BSG: variants seen among roughly 807,000 people sequenced by gnomAD.
BSG encodes the protein basigin (Ok blood group).
Under a neutral mutation model 43.1 loss-of-function variants are expected in BSG, and 37 were observed. That is an observed-to-expected ratio of 0.86 (90% CI 0.66 to 1.13). The LOEUF (loss-of-function observed/expected upper bound fraction) is 1.13, where lower values mean the gene tolerates loss of function less well. Among genes scored for constraint, BSG ranks in the 50% most tolerant of loss-of-function variants. The pLI is 0.00. For synonymous variants in BSG, 309 were observed against 238.7 expected, an observed-to-expected ratio of 1.29 and a Z score of -2.72; for missense variants, 599 against 554.2, an observed-to-expected ratio of 1.08 and a Z score of -0.81.
chr19:577,897 A>G lies in BSG; in HGVS notation c.191A>G (p.Asn64Ser), dbSNP rs1981917111. ...IQWWFEGQGPNDTCSQLWDGA... is the reference protein window; with the variant it reads ...IQWWFEGQGPSDTCSQLWDGA... ...TGGTGGTTTGAAGGGCAGGGTCCCA[A>G]CGACACCTGCTCCCAGCTCTGGGAC... Residue 64 changes from asparagine (N) to serine (S), a missense_variant, in exon 2 of 9, where the codon AAC becomes AGC. Physicochemically the swap from Asn to Ser is conservative, Grantham distance 46 (BLOSUM62 1). Coordinates refer to ENST00000333511, the MANE Select transcript of BSG (RefSeq NM_001728.4). 1.9e-6 allele frequency: 3 copies of G among 1,594,938 alleles called. No individual in the cohort carries two copies. Among genetic ancestry groups the G allele is most frequent in the East Asian group, 2.3e-5 (1 of 44,288 alleles).
intron 7 of BSG, 25 bp from the exon 8 acceptor site, chr19:582,487 CCT>C (rs769826457): frequency 6.2e-7 from 1 of 1,605,542 alleles, no homozygotes; most frequent in African/African-American, 1.3e-5. Flanking sequence ...CGGGGGACAC[CCT>C]CTCACCCGGC....
chr19:580,801 T>C lies in BSG; in HGVS notation c.792+19T>C. 1 of 1,586,850 alleles carries C rather than the reference T, an allele frequency of 6.3e-7. No homozygotes were observed. Among genetic ancestry groups the C allele is most frequent in the Admixed American group, 1.8e-5 (1 of 56,942 alleles). On this transcript the variant is annotated intron_variant, in intron 5 of 8. Coordinates refer to ENST00000333511, the MANE Select transcript of BSG (RefSeq NM_001728.4). ...GGACAAGGTGAGAAGCCAAGGAGGC[T>C]GGGGGTCCTGGACCCAGCCCTCAGG...
intron 1 of BSG, among the ~76,000 whole-genome samples, chr19:577,061 C>A (rs185382187): frequency 1.4e-4 from 21 of 152,284 alleles, no homozygotes; most frequent in Non-Finnish European, 2.6e-4. Flanking sequence ...GCACTCCCCA[C>A]GCTTCCCCTT....
At chr19:572,576 CGG>C (rs1981343104), upstream of BSG, 2 of 1,428,908 alleles carry the variant, frequency 1.4e-6, no homozygotes, top group Non-Finnish European at 1.9e-6. Flanking sequence ...CTTTTTATAG[CGG>C]CCGCGGGCGG....
upstream of BSG, chr19:572,271 A>G (rs966487527): frequency 2.3e-5 from 12 of 518,384 alleles, no homozygotes; most frequent in African/African-American, 2.5e-4. Flanking sequence ...TGGGTAACAC[A>G]CTTTCAACGC....
chr19:573,908 C>T (rs1329237202), intron 1 of BSG, among the ~76,000 whole-genome samples: 2 of 152,176 alleles, frequency 1.3e-5, no homozygotes, highest in Non-Finnish European at 2.9e-5. Flanking sequence ...TCCTTTCTTG[C>T]TTCATAGAAA....
Position 577,937 on chromosome 19 carries a change from C to A in BSG, c.231C>A (p.Asp77Glu), listed in dbSNP as rs1287722697. Reference protein sequence around the residue: ...CSQLWDGARLDRVHIHATYHQ... With the variant: ...CSQLWDGARLERVHIHATYHQ... ...AGCTCTGGGACGGCGCCCGGCTGGA[C>A]CGCGTCCACATCCACGCCACCTACC... The change falls in exon 2 of 9, where the codon GAC (aspartate) becomes GAA (glutamate). Residue 77 changes from aspartate (D) to glutamate (E), a missense_variant. Coordinates refer to ENST00000333511, the MANE Select transcript of BSG (RefSeq NM_001728.4). 6.2e-7 allele frequency: 1 copy of A among 1,608,100 alleles called. No homozygotes were observed. Among genetic ancestry groups the A allele is most frequent in the Non-Finnish European group, 8.5e-7 (1 of 1,177,022 alleles).
Position 579,497 on chromosome 19 carries a change from C to G in BSG, c.416-3C>G. ...GCTGACCGCGTCTCGCCGGGCCTTG[C>G]AGCCGGCACAGTCTTCACTACCGTA... On this transcript the variant is annotated splice_region_variant and splice_polypyrimidine_tract_variant and intron_variant, in intron 2 of 8. Coordinates refer to ENST00000333511, the MANE Select transcript of BSG (RefSeq NM_001728.4). 2 of 1,612,494 alleles carry G rather than the reference C, an allele frequency of 1.2e-6. No homozygotes were observed. The highest frequency in any genetic ancestry group is 1.7e-6 in the Non-Finnish European group (2 of 1,179,896).
At chr19:572,431 C>A, upstream of BSG, 1 of 1,139,122 alleles carries the variant, frequency 8.8e-7, no homozygotes, top group Non-Finnish European at 1.1e-6. Flanking sequence ...GATTCCGTAG[C>A]GTGAGCCTGC....
chr19:576,760 A>AG (rs1981808771), intron 1 of BSG, among the ~76,000 whole-genome samples: 3 of 146,222 alleles, frequency 2.1e-5, no homozygotes, highest in African/African-American at 5.1e-5. Context: ...AAAAAAAAAA[A>AG]AAGAAGAAGA....
At chr19:571,682 G>A, upstream of BSG, 1 of 742,640 alleles carries the variant, frequency 1.3e-6, no homozygotes, top group Non-Finnish European at 2.5e-6. Flanking sequence ...AAATTTCTCA[G>A]CGAGACCACT....
rs755563121 is a variant in BSG, at chr19:579,673, G to T, written c.572+17G>T. On this transcript the variant is annotated intron_variant, in intron 3 of 8. Transcript: ENST00000333511. ...GGAGTTCAAGTGAGTGCCTGACCAC[G>T]CCATGCCGCCACCTGCCCCTTCTCA... 6.3e-6 allele frequency: 10 copies of T among 1,589,404 alleles called. No homozygotes were observed. Among genetic ancestry groups the T allele is most frequent in the South Asian group, 4.5e-5 (4 of 88,080 alleles).
In BSG at chr19:579,780, C is replaced by G; in HGVS notation, c.572+124C>G. 5.0e-6 allele frequency: 7 copies of G among 1,405,184 alleles called. No homozygotes were observed. In the South Asian group the frequency reaches 8.7e-5, roughly 18 times the overall value. The allele number at this position is 1,405,184 out of a possible 1,614,324, so 87.0% of individuals were successfully genotyped here. A position where few individuals can be genotyped will look rare whatever the true frequency, so the allele number is the denominator to read the frequency against. The stretch of plus-strand genomic sequence containing the variant: ...GCTTGATCCAGGCGGAAGTTAGGGA[C>G]CAGCTCCGCGCAGACCCCCAGAGGG... On this transcript the variant is annotated intron_variant, in intron 3 of 8. Coordinates refer to ENST00000333511, the MANE Select transcript of BSG (RefSeq NM_001728.4).
At chr19:581,770 C>G (rs527804308) in intron 6 of BSG, among the ~76,000 whole-genome samples, 179 bp downstream of exon 6, 4 of 152,248 alleles carry the variant, frequency 2.6e-5, no homozygotes, top group Admixed American at 1.3e-4. Context: ...CGGGCAGCTG[C>G]GGCTCAGTGG....
chr19:578,349 A>T, intron 2 of BSG: 1 of 445,596 alleles, frequency 2.2e-6, no homozygotes, highest in East Asian at 3.5e-5. Flanking sequence ...TCTGCCCTCC[A>T]GCAGGTGGGT....
At chr19:575,036 T>G (rs1393935807) in intron 1 of BSG, 2 of 152,280 alleles carry the variant, frequency 1.3e-5, no homozygotes, top group Non-Finnish European at 2.9e-5. Context: ...GTTCACAGTT[T>G]TGTTCCTTTT....
chr19:582,698 C>T (rs1184554352), intron 8 of BSG, 52 bp from the exon 9 acceptor site: 1 of 1,136,964 alleles, frequency 8.8e-7, no homozygotes, highest in African/African-American at 1.5e-5. Flanking sequence ...TGGGTCCCGC[C>T]TGTGGGTCGC....
chr19:581,550 TCATCTA>T lies in BSG; in HGVS notation c.1030_1035del (p.Ile344_Tyr345del). On this transcript the variant is annotated inframe_deletion, in exon 6 of 9. Transcript: ENST00000333511. ...GTGCTGGTGCTGGTCACCATCATCT[TCATCTA>T]CGAGAAGCGCCGGAAGCCCGAGGAC... 1 of 1,599,792 alleles carries T rather than the reference TCATCTA, an allele frequency of 6.3e-7. No individual in the cohort carries two copies. The highest frequency in any genetic ancestry group is 8.5e-7 in the Non-Finnish European group (1 of 1,174,448).
rs529813357 is a variant in BSG, at chr19:583,490, C to T, written c.*746C>T. 412 of 152,508 alleles carry T rather than the reference C, an allele frequency of 2.7e-3. 2 individuals are homozygous for T. The highest frequency in any genetic ancestry group is 4.7e-3 in the Non-Finnish European group (322 of 68,154). 9.4% of individuals were successfully genotyped at this position (152,508 alleles called of 1,614,324 possible). A position where few individuals can be genotyped will look rare whatever the true frequency, so the allele number is the denominator to read the frequency against. ...AATAAAGATCGCCCCCACCTCCACCCTCACCCTCTCCTGGCTCCTGTCTGT... is the reference window on the plus strand; with the variant it reads ...AATAAAGATCGCCCCCACCTCCACCTTCACCCTCTCCTGGCTCCTGTCTGT... On this transcript the variant is annotated 3_prime_UTR_variant, in exon 9 of 9. Transcript: ENST00000333511.
Sources: allele counts gnomAD v4.1 joint callset (sites outside exome capture counted in the v4.1 genomes callset), GRCh38; gene constraint gnomAD v4.1.1; transcripts MANE v1.5; gene names NCBI Gene and HGNC (gene_info 2026-07-23, HGNC 2026-07-21).